DISP2: variants seen among roughly 807,000 people sequenced by gnomAD.
The protein encoded by DISP2 is dispatched RND transporter family member 2, also known as protein dispatched homolog 2.
DISP2 carries 59 observed loss-of-function variants against 95.5 expected under a neutral mutation model. The observed-to-expected ratio is 0.62, with a 90% CI of 0.50 to 0.77. The LOEUF is 0.77. Ranked by LOEUF, DISP2 falls within the 30% of genes least tolerant of loss-of-function variation. DISP2 has a pLI of 0.00. For synonymous variants in DISP2, 827 were observed against 815.0 expected (o/e 1.01, Z -0.25); for missense variants, 1,752 against 1,854.6 (o/e 0.94, Z 1.02).
Position 40,370,216 on chromosome 15 carries a change from G to A in DISP2, c.4104G>A (p.Gly1368=), listed in dbSNP as rs755143838. The change falls in exon 8 of 8, where the codon GGG becomes GGA. Residue 1368 remains glycine (G), a synonymous_variant. Coordinates refer to ENST00000267889, the MANE Select transcript of DISP2 (RefSeq NM_033510.3). Reference sequence around the variant, plus strand: ...GCTTGTCCTGGAAGGGCCGAGGGGGGCCAGGGGATGGCAGCCCTGTGGTGC... The same window carrying A: ...GCTTGTCCTGGAAGGGCCGAGGGGGACCAGGGGATGGCAGCCCTGTGGTGC... ...HSSLSWKGRG[G]PGDGSPVVLP... 1.5e-5 allele frequency: 24 copies of A among 1,609,096 alleles called. No homozygotes were observed. The South Asian group carries it at 2.3e-4, about 16-fold the overall frequency.
At position 40,369,360 on chromosome 15, in the gene DISP2, T is replaced by C. The variant is rs1889588353; in HGVS notation, c.3248T>C (p.Leu1083Pro). The change falls in exon 8 of 8, where the codon CTG becomes CCG. Residue 1083 changes from leucine to proline, a missense_variant. Coordinates refer to ENST00000267889, the MANE Select transcript of DISP2 (RefSeq NM_033510.3). ...AGVLMLPATVLLYRKLGIILM... is the reference protein window; with the variant it reads ...AGVLMLPATVPLYRKLGIILM... ...GTGCTCATGCTGCCTGCCACAGTGC[T>C]GCTCTATCGCAAGCTGGGCATCATC... The C allele has an allele frequency of 6.2e-7, 1 of 1,613,498 alleles. No individual in the cohort carries two copies. Among genetic ancestry groups the C allele is most frequent in the Non-Finnish European group, 8.5e-7 (1 of 1,179,992 alleles).
Position 40,374,014 on chromosome 15 carries a change from A to AAAAAAAAATATATATATAT in DISP2, c.*3697_*3698insAAAAAAATATATATATATA. On this transcript the variant is annotated 3_prime_UTR_variant, in exon 8 of 8. Transcript: ENST00000267889. ...GCGAGACTCCATCTTAAAAAAAAAA[A>AAAAAAAAATATATATATAT]ATATATATATATATATATGTAAACT... is the stretch of plus-strand genomic sequence containing the variant. 9.6e-6 allele frequency: 1 copy of AAAAAAAAATATATATATAT among 104,196 alleles called. No individual in the cohort carries two copies. The allele number at this position is 104,196 out of a possible 1,614,324, so 6.5% of individuals were successfully genotyped here.
chr15:40,368,857 G>C lies in DISP2; in HGVS notation c.2745G>C (p.Pro915=). The change falls in exon 8 of 8, where the codon CCG becomes CCC. Residue 915 remains proline (P), a synonymous_variant. Coordinates refer to ENST00000267889, the MANE Select transcript of DISP2 (RefSeq NM_033510.3). ...LQFQTNFRNS[P]DYNQTQLFYN... ...TCCAGACCAACTTCCGGAACAGTCCGGACTACAACCAGACCCAGCTCTTCT... is the reference window on the plus strand; with the variant it reads ...TCCAGACCAACTTCCGGAACAGTCCCGACTACAACCAGACCCAGCTCTTCT... 6.2e-7 allele frequency: 1 copy of C among 1,613,996 alleles called. No individual in the cohort carries two copies. The highest frequency in any genetic ancestry group is 8.5e-7 in the Non-Finnish European group (1 of 1,180,044).
In DISP2 at chr15:40,365,708, C is replaced by T. The variant is rs770159891; in HGVS notation, c.928C>T (p.Arg310Cys). 4 of 1,613,896 alleles carry T rather than the reference C, an allele frequency of 2.5e-6. No individual in the cohort carries two copies. The highest frequency in any genetic ancestry group is 1.7e-4 in the Middle Eastern group (1 of 6,058). The change falls in exon 7 of 8, where the codon CGC becomes TGC. Residue 310 changes from arginine (R) to cysteine (C), a missense_variant. This residue lies in a region of DISP2 where 732 missense variants were observed against 714.6 expected (regional missense o/e 1.02). Coordinates refer to ENST00000267889, the MANE Select transcript of DISP2 (RefSeq NM_033510.3). Reference protein sequence around the residue: ...WNLHAIHSMCRMEQDQIRSHT... With the variant: ...WNLHAIHSMCCMEQDQIRSHT... ...CCTGCATGCCATCCATTCCATGTGT[C>T]GCATGGAACAGGACCAGGTGAGCTG...
In DISP2 at chr15:40,358,418, C is replaced by T; in HGVS notation, c.97C>T (p.Pro33Ser). 11 of 1,333,644 alleles carry T rather than the reference C, an allele frequency of 8.2e-6. No homozygotes were observed. The highest frequency in any genetic ancestry group is 1.1e-5 in the Non-Finnish European group (11 of 1,043,224). 82.6% of individuals were successfully genotyped at this position (1,333,644 alleles called of 1,614,324 possible). Reference protein sequence around the residue: ...EQRPEGEPLAPDGGSPDSTQT... With the variant: ...EQRPEGEPLASDGGSPDSTQT... ...ACGGCCCGAGGGGGAGCCCTTGGCC[C>T]CAGACGGCGGCTCCCCGGACAGGTA... is the stretch of plus-strand genomic sequence containing the variant. Residue 33 changes from proline (P) to serine (S), a missense_variant, in exon 1 of 8, where the codon CCA (proline) becomes TCA (serine). Transcript: ENST00000267889.
At position 40,368,075 on chromosome 15, in the gene DISP2, CG is replaced by C; in HGVS notation, c.1966del (p.Ala656ArgfsTer141). ...CTACCTGGCGCGCGGCTGTGCGCGCCGGGCGCGGGGCCGGTGGGAGGGCAGC... is the reference window on the plus strand; with the variant it reads ...CTACCTGGCGCGCGGCTGTGCGCGCCGGCGCGGGGCCGGTGGGAGGGCAGC... ...ERYLARGCAR[R>X]ARGRWEGSAP... On this transcript the variant is annotated frameshift_variant, in exon 8 of 8. Transcript: ENST00000267889. LOFTEE classifies it high-confidence loss of function. The C allele has an allele frequency of 7.0e-7, 1 of 1,426,762 alleles. No homozygotes were observed. Among genetic ancestry groups the C allele is most frequent in the Admixed American group, 2.8e-5 (1 of 35,914 alleles). 88.4% of individuals were successfully genotyped at this position (1,426,762 alleles called of 1,614,324 possible).
rs193216349 is a variant in DISP2, at chr15:40,376,102, T to C, written c.*5784T>C. 2 of 152,132 alleles carry C rather than the reference T, an allele frequency of 1.3e-5. No homozygotes were observed. Among genetic ancestry groups the C allele is most frequent in the East Asian group, 3.9e-4 (2 of 5,186 alleles). 9.4% of individuals were successfully genotyped at this position (152,132 alleles called of 1,614,324 possible). A position where few individuals can be genotyped will look rare whatever the true frequency, so the allele number is the denominator to read the frequency against. ...TGCCTTCTTCATTTAAGAATTCAAA[T>C]TCATTGACATGTTATATTGTAAAAT... is the stretch of plus-strand genomic sequence containing the variant. On this transcript the variant is annotated 3_prime_UTR_variant, in exon 8 of 8. Coordinates refer to ENST00000267889, the MANE Select transcript of DISP2 (RefSeq NM_033510.3).
intron 1 of DISP2, among the ~76,000 whole-genome samples, chr15:40,359,558 G>A (rs1024635738): frequency 3.3e-5 from 5 of 152,238 alleles, no homozygotes; most frequent in Admixed American, 6.5e-5. Context: ...AGGACAGAGC[G>A]AGGACCTGGG....
chr15:40,365,562 T>A lies in DISP2; in HGVS notation c.848-66T>A. ...CTCATGTGGCCCTGGGTAAGCATCT[T>A]CCCTTTGGAGGACCCAGGACCTGGG... On this transcript the variant is annotated intron_variant, in intron 6 of 7. Coordinates refer to ENST00000267889, the MANE Select transcript of DISP2 (RefSeq NM_033510.3). 2.6e-6 allele frequency: 4 copies of A among 1,565,714 alleles called. No individual in the cohort carries two copies. In the South Asian group the frequency reaches 4.4e-5, roughly 17 times the overall value.
intron 1 of DISP2, among the ~76,000 whole-genome samples, chr15:40,359,638 T>A (rs1329781636): frequency 1.3e-5 from 2 of 152,218 alleles, no homozygotes; most frequent in Non-Finnish European, 2.9e-5. Context: ...GGATCAGCCA[T>A]GTCCAGTCTC....
Position 40,367,422 on chromosome 15 carries a change from T to C in DISP2, c.1310T>C (p.Leu437Pro). 1 of 1,613,584 alleles carries C rather than the reference T, an allele frequency of 6.2e-7. No individual in the cohort carries two copies. The highest frequency in any genetic ancestry group is 8.5e-7 in the Non-Finnish European group (1 of 1,179,946). Residue 437 changes from leucine (L) to proline (P), a missense_variant, in exon 8 of 8, where the codon CTG becomes CCG. Around this residue, in one of 5 missense-constraint regions of DISP2, gnomAD observed 732 missense variants for 714.6 expected, o/e 1.02. Transcript: ENST00000267889. ...CAGGTGCCTTCCCTCAAGTACAGCC[T>C]GCTCTTCCTGCCCACCCCAAAGGGT... ...DYQVPSLKYSLLFLPTPKGAS... is the reference protein window; with the variant it reads ...DYQVPSLKYSPLFLPTPKGAS...
At position 40,358,437 on chromosome 15, in the gene DISP2, A is replaced by G. The variant is rs1889353175; in HGVS notation, c.116A>G (p.Asp39Gly). The change falls in exon 1 of 8, where the codon GAC becomes GGC. Residue 39 changes from aspartate to glycine, a missense_variant. By Grantham distance (94) the Asp-to-Gly change is moderately conservative. Coordinates refer to ENST00000267889, the MANE Select transcript of DISP2 (RefSeq NM_033510.3). ...TTGGCCCCAGACGGCGGCTCCCCGG[A>G]CAGGTAGGGCGGACAGCTCCGCAGA... ...EPLAPDGGSP[D>G]STQTKAVPPE... 2 of 1,315,174 alleles carry G rather than the reference A, an allele frequency of 1.5e-6. No homozygotes were observed. The highest frequency in any genetic ancestry group is 1.9e-6 in the Non-Finnish European group (2 of 1,031,878). 81.5% of individuals were successfully genotyped at this position (1,315,174 alleles called of 1,614,324 possible).
At position 40,369,458 on chromosome 15, in the gene DISP2, C is replaced by T. The variant is rs762910525; in HGVS notation, c.3346C>T (p.Pro1116Ser). The T allele has an allele frequency of 2.5e-6, 4 of 1,613,304 alleles. No individual in the cohort carries two copies. The highest frequency in any genetic ancestry group is 3.4e-6 in the Non-Finnish European group (4 of 1,180,006). The change falls in exon 8 of 8, where the codon CCA becomes TCA. Residue 1116 changes from proline (P) to serine (S), a missense_variant. This residue lies in a region of DISP2 where 317 missense variants were observed against 394.9 expected (regional missense o/e 0.80). Coordinates refer to ENST00000267889, the MANE Select transcript of DISP2 (RefSeq NM_033510.3). ...FFQSLCCFFG[P>S]EKNCGQILWP... is the part of the protein sequence containing the mutation. ...CCAATCTCTCTGCTGTTTCTTCGGG[C>T]CAGAGAAGAACTGTGGGCAGATCCT...
chr15:40,368,588 G>T lies in DISP2; in HGVS notation c.2476G>T (p.Asp826Tyr). 2.5e-6 allele frequency: 4 copies of T among 1,605,046 alleles called. No homozygotes were observed. Among genetic ancestry groups the T allele is most frequent in the Non-Finnish European group, 3.4e-6 (4 of 1,179,920 alleles). The change falls in exon 8 of 8, where the codon GAC becomes TAC. Residue 826 changes from aspartate to tyrosine, a missense_variant. Asp to Tyr is a radical substitution (Grantham distance 160). Transcript: ENST00000267889. ...CHRARNQSFF[D>Y]TLQEGWPTLC... ...CCGGGCCCGGAATCAGAGCTTCTTC[G>T]ACACCCTGCAGGAAGGCTGGCCCAC...
chr15:40,377,334 TTGACTGAAA>T lies in DISP2; in HGVS notation c.*7017_*7025del. On this transcript the variant is annotated 3_prime_UTR_variant, in exon 8 of 8. Transcript: ENST00000267889. ...GTCTCAAAAAAAAAAAAAAAAATTT[TTGACTGAAA>T]GTACAGATACAACTTCCCTTTCCAG... 6.6e-6 allele frequency: 1 copy of T among 151,910 alleles called. No individual in the cohort carries two copies. Among genetic ancestry groups the T allele is most frequent in the Non-Finnish European group, 1.5e-5 (1 of 68,020 alleles). The allele number at this position is 151,910 out of a possible 1,614,324, so 9.4% of individuals were successfully genotyped here.
At chr15:40,360,376 C>T (rs1451556517) in intron 1 of DISP2, among the ~76,000 whole-genome samples, 4 of 152,084 alleles carry the variant, frequency 2.6e-5, no homozygotes, top group Non-Finnish European at 5.9e-5. Context: ...GAGTGGAGGT[C>T]GGTTTTTCTC....
At chr15:40,363,980 A>G (rs2141260193) in intron 2 of DISP2, 26 bp downstream of exon 2, 2 of 1,514,712 alleles carry the variant, frequency 1.3e-6, no homozygotes, top group East Asian at 4.5e-5. Flanking sequence ...GCAGCCTGCC[A>G]GCTGCCACTG....
chr15:40,358,945 A>G (rs1330222208), intron 1 of DISP2, among the ~76,000 whole-genome samples: 1 of 152,234 alleles, frequency 6.6e-6, no homozygotes, highest in East Asian at 1.9e-4. Flanking sequence ...CCTGCCCTGC[A>G]TGACCCCCAG....
At position 40,367,413 on chromosome 15, in the gene DISP2, A is replaced by G; in HGVS notation, c.1301A>G (p.Lys434Arg). The G allele has an allele frequency of 6.2e-7, 1 of 1,613,212 alleles. No individual in the cohort carries two copies. The change falls in exon 8 of 8, where the codon AAG becomes AGG. Residue 434 changes from lysine to arginine, a missense_variant. This residue lies in a region of DISP2 where 732 missense variants were observed against 714.6 expected (regional missense o/e 1.02). Coordinates refer to ENST00000267889, the MANE Select transcript of DISP2 (RefSeq NM_033510.3). Reference sequence around the variant, plus strand: ...ACTGACTACCAGGTGCCTTCCCTCAAGTACAGCCTGCTCTTCCTGCCCACC... The same window carrying G: ...ACTGACTACCAGGTGCCTTCCCTCAGGTACAGCCTGCTCTTCCTGCCCACC... ...QTTDYQVPSL[K>R]YSLLFLPTPK...
Sources: gnomAD v4.1 joint callset for allele counts (sites outside exome capture counted in the v4.1 genomes callset) on GRCh38, gnomAD v4.1.1 for gene constraint, gnomAD v4.1.1 regional missense constraint, MANE v1.5 for transcripts, NCBI Gene and HGNC (gene_info 2026-07-23, HGNC 2026-07-21) for gene names.